Variants in CCDC91 observed in about 807,000 individuals in gnomAD.
CCDC91 encodes the protein coiled-coil domain containing 91.
CCDC91 carries 48 observed loss-of-function variants against 63.2 expected under a neutral mutation model. That is an observed-to-expected ratio of 0.76 (90% CI 0.60 to 0.97). The LOEUF is 0.97. Among genes scored for constraint, CCDC91 ranks in the 50% least tolerant of loss-of-function variants. CCDC91 has a pLI of 0.00. For missense variants in CCDC91, 500 were observed against 494.6 expected, an observed-to-expected ratio of 1.01 and a Z score of -0.10; for synonymous variants, 167 against 165.8, an observed-to-expected ratio of 1.01 and a Z score of -0.06.
intron 1 of CCDC91, among the ~76,000 whole-genome samples, chr12:28,241,869 A>C (rs1945359486): frequency 6.6e-6 from 1 of 151,730 alleles, no homozygotes; most frequent in South Asian, 2.1e-4. Flanking sequence ...GGTGGTGGGC[A>C]CCTGTAATCC....
intron 11 of CCDC91, among the ~76,000 whole-genome samples, chr12:28,459,864 C>G (rs1328428430): frequency 1.3e-5 from 2 of 152,112 alleles, no homozygotes; most frequent in African/African-American, 2.4e-5. Context: ...GACACATTTC[C>G]AAATCAGAAT....
At chr12:28,436,285 T>C (rs1335665648) in intron 8 of CCDC91, among the ~76,000 whole-genome samples, 1 of 151,778 alleles carries the variant, frequency 6.6e-6, no homozygotes, top group Non-Finnish European at 1.5e-5. Context: ...CTTTTTATGG[T>C]TGCCTTAAAG....
At chr12:28,405,243 C>T (rs1330250347) in intron 8 of CCDC91, among the ~76,000 whole-genome samples, 1 of 152,034 alleles carries the variant, frequency 6.6e-6, no homozygotes. Flanking sequence ...AACCCATATT[C>T]ATTTTCAAAT....
intron 8 of CCDC91, among the ~76,000 whole-genome samples, chr12:28,432,328 C>A (rs1174518904): frequency 6.6e-6 from 1 of 152,016 alleles, no homozygotes; most frequent in Non-Finnish European, 1.5e-5. Flanking sequence ...GAGGGAGGGA[C>A]CTGATCACCT....
At chr12:28,479,431 A>G (rs1021930588) in intron 11 of CCDC91, among the ~76,000 whole-genome samples, 11 of 151,966 alleles carry the variant, frequency 7.2e-5, no homozygotes, top group African/African-American at 2.4e-4. Context: ...ATTTGGACAC[A>G]TGATGGGGAT....
At chr12:28,370,637 C>T (rs1944558218) in intron 7 of CCDC91, among the ~76,000 whole-genome samples, 1 of 152,192 alleles carries the variant, frequency 6.6e-6, no homozygotes. Flanking sequence ...GCTCCCCACT[C>T]CCAGTACCAA....
intron 12 of CCDC91, among the ~76,000 whole-genome samples, chr12:28,513,545 C>A (rs952345284): frequency 2.0e-5 from 3 of 151,628 alleles, no homozygotes; most frequent in African/African-American, 7.3e-5. Context: ...ATTCCAAAAT[C>A]AAAAAAATCC....
intron 3 of CCDC91, among the ~76,000 whole-genome samples, chr12:28,267,918 T>TATTATAATTATATATAATTATATATA (rs1947434726): frequency 1.0e-5 from 1 of 95,966 alleles, no homozygotes; most frequent in Non-Finnish European, 1.9e-5. Flanking sequence ...TATATATAAT[T>TATTATAATTATATATAATTATATATA]ATTATAATTA....
Position 28,417,855 on chromosome 12 carries a change from A to G in CCDC91, c.762+26444A>G, listed in dbSNP as rs1255660124. Among the ~76,000 whole-genome samples, 5 of 152,074 alleles carry G rather than the reference A, an allele frequency of 3.3e-5. No individual in the cohort carries two copies. In the East Asian group the frequency reaches 7.7e-4, roughly 23 times the overall value. On this transcript the variant is annotated intron_variant, in intron 8 of 12. Transcript: ENST00000536442. ...TTGAGTCTGGTTTCTGTTATTTAGTATAATACATTTCCAGTGCACCTATGT... is the reference window on the plus strand; with the variant it reads ...TTGAGTCTGGTTTCTGTTATTTAGTGTAATACATTTCCAGTGCACCTATGT...
At chr12:28,513,907 G>T (rs1939653069) in intron 12 of CCDC91, among the ~76,000 whole-genome samples, 1 of 151,792 alleles carries the variant, frequency 6.6e-6, no homozygotes, top group South Asian at 2.1e-4. Context: ...ATTGTGAATA[G>T]CACAGCAGTG....
At chr12:28,362,097 C>T (rs1943925961) in intron 6 of CCDC91, among the ~76,000 whole-genome samples, 2 of 151,918 alleles carry the variant, frequency 1.3e-5, no homozygotes, top group Admixed American at 1.3e-4. Context: ...ATATAGAGGC[C>T]AAGGCTTGTT....
At chr12:28,425,387 C>T (rs1194802204) in intron 8 of CCDC91, among the ~76,000 whole-genome samples, 1 of 152,062 alleles carries the variant, frequency 6.6e-6, no homozygotes, top group Non-Finnish European at 1.5e-5. Flanking sequence ...CTTTCTACTC[C>T]TAGCCCTCTC....
intron 6 of CCDC91, among the ~76,000 whole-genome samples, chr12:28,321,874 A>G (rs567869795): frequency 9.9e-4 from 151 of 151,894 alleles, no homozygotes; most frequent in Non-Finnish European, 1.8e-3. Context: ...TTGTATCATT[A>G]TATATGTCAT....
At chr12:28,363,764 C>A (rs1944063138) in intron 7 of CCDC91, among the ~76,000 whole-genome samples, 1 of 150,212 alleles carries the variant, frequency 6.7e-6, no homozygotes, top group Non-Finnish European at 1.5e-5. Flanking sequence ...GTAGTCCCAG[C>A]TATTCGGGAG....
chr12:28,328,794 A>AT (rs143982760), intron 6 of CCDC91, among the ~76,000 whole-genome samples: 4,441 of 151,720 alleles, frequency 0.029, 247 homozygotes, highest in African/African-American at 0.1. Context: ...AACAGATGCG[A>AT]TTTTTTTTTC....
At chr12:28,474,977 G>A (rs1951009144) in intron 11 of CCDC91, among the ~76,000 whole-genome samples, 1 of 151,944 alleles carries the variant, frequency 6.6e-6, no homozygotes, top group Non-Finnish European at 1.5e-5. Flanking sequence ...TGGTAAGGAT[G>A]GAATTCATAG....
At chr12:28,413,739 G>T (rs1381425274) in intron 8 of CCDC91, among the ~76,000 whole-genome samples, 1 of 152,156 alleles carries the variant, frequency 6.6e-6, no homozygotes. Context: ...GTTCATAAAA[G>T]CATGCTTTTA....
intron 6 of CCDC91, among the ~76,000 whole-genome samples, chr12:28,344,890 A>C (rs1442034090): frequency 2.6e-5 from 4 of 152,122 alleles, no homozygotes; most frequent in Non-Finnish European, 5.9e-5. Flanking sequence ...ATCTGCCTAC[A>C]CTGAGTTGAG....
chr12:28,539,116 A>G (rs373630655), intron 12 of CCDC91, among the ~76,000 whole-genome samples: 3 of 152,134 alleles, frequency 2.0e-5, no homozygotes, highest in East Asian at 3.9e-4. Context: ...GTTGAATAAG[A>G]TCCCATTTGT....
Sources: allele counts gnomAD v4.1 joint callset (sites outside exome capture counted in the v4.1 genomes callset), GRCh38; gene constraint gnomAD v4.1.1; transcripts MANE v1.5; gene names NCBI Gene and HGNC (gene_info 2026-07-23, HGNC 2026-07-21).